Variants in PRDM5 observed in about 807,000 individuals in gnomAD.
PRDM5 encodes the protein PR domain zinc finger protein 5.
In PRDM5, 56 loss-of-function variants were observed where a neutral mutation model predicts 81.2. The observed-to-expected ratio is 0.69, with a 90% CI of 0.56 to 0.86. The LOEUF (loss-of-function observed/expected upper bound fraction) is 0.86. Among genes scored for constraint, PRDM5 ranks in the 40% least tolerant of loss-of-function variants. PRDM5 has a pLI of 0.00. For missense variants in PRDM5, 697 were observed against 770.1 expected, an observed-to-expected ratio of 0.91 and a Z score of 1.12; for synonymous variants, 267 against 256.4, an observed-to-expected ratio of 1.04 and a Z score of -0.39.
At chr4:120,799,837 C>T in intron 8 of PRDM5, 92 bp from the exon 9 acceptor site, 1 of 1,540,248 alleles carries the variant, frequency 6.5e-7, no homozygotes, top group Non-Finnish European at 8.8e-7. Flanking sequence ...TGAACAGCTG[C>T]CACTGCAATA....
At chr4:120,875,027 A>C (rs915720543) in intron 2 of PRDM5, among the ~76,000 whole-genome samples, 3 of 152,112 alleles carry the variant, frequency 2.0e-5, no homozygotes, top group African/African-American at 7.2e-5. Flanking sequence ...GCTGAGAACA[A>C]GCTCACTTTT....
rs532019885 is a variant in PRDM5 at position 120,749,863 on chromosome 4, G to T, written c.1623+4690C>A. ...TCCACAGGAGAGGTCTGCTGCTGCG[G>T]GAAGAGGGGCAGAAACCTCTTTCTC... On this transcript the variant is annotated intron_variant, in intron 14 of 15. Coordinates refer to ENST00000264808, the MANE Select transcript of PRDM5 (RefSeq NM_018699.4). Among the ~76,000 whole-genome samples, 11 of 152,262 alleles carry T rather than the reference G, an allele frequency of 7.2e-5. No homozygotes were observed. In the South Asian group the frequency reaches 2.1e-3, roughly 29 times the overall value.
intron 13 of PRDM5, among the ~76,000 whole-genome samples, chr4:120,767,394 A>G (rs1430732524): frequency 2.0e-5 from 3 of 152,162 alleles, no homozygotes; most frequent in African/African-American, 7.2e-5. Context: ...AAAACCATAA[A>G]CTGGAGTCTT....
At chr4:120,791,844 C>T (rs969880386) in intron 10 of PRDM5, among the ~76,000 whole-genome samples, 9 of 152,156 alleles carry the variant, frequency 5.9e-5, no homozygotes, top group African/African-American at 2.2e-4. Flanking sequence ...TGGATTAGTG[C>T]CGTTATCAAA....
At chr4:120,714,748 GT>G (rs1041283376) in intron 14 of PRDM5, among the ~76,000 whole-genome samples, 1 of 152,050 alleles carries the variant, frequency 6.6e-6, no homozygotes, top group Admixed American at 6.6e-5. Flanking sequence ...TTAAAATCCT[GT>G]GACCCCTAGG....
At chr4:120,777,422 A>G in intron 12 of PRDM5, 141 bp from the exon 13 acceptor site, 1 of 1,447,992 alleles carries the variant, frequency 6.9e-7, no homozygotes. Context: ...GAGATTTTAA[A>G]CAATTTATGA....
intron 8 of PRDM5, among the ~76,000 whole-genome samples, chr4:120,801,674 C>T (rs1752137185): frequency 6.6e-6 from 1 of 152,200 alleles, no homozygotes; most frequent in Non-Finnish European, 1.5e-5. Flanking sequence ...TGACTGCCTG[C>T]ACAAGTGTTT....
chr4:120,922,225 A>C (rs1725036120), intron 1 of PRDM5, among the ~76,000 whole-genome samples: 1 of 152,134 alleles, frequency 6.6e-6, no homozygotes, highest in South Asian at 2.1e-4. Context: ...GGAGAGAGGA[A>C]AGACATCTTG....
chr4:120,747,468 TAAA>T (rs1225449563), intron 14 of PRDM5, among the ~76,000 whole-genome samples: 22 of 151,784 alleles, frequency 1.4e-4, no homozygotes, highest in African/African-American at 5.1e-4. Context: ...AATAAATAAA[TAAA>T]TTTTTGGGGG....
chr4:120,868,178 T>A (rs1761402119), intron 2 of PRDM5, among the ~76,000 whole-genome samples: 1 of 152,196 alleles, frequency 6.6e-6, no homozygotes, highest in Non-Finnish European at 1.5e-5. Context: ...AAACAAGAAG[T>A]GGAAATGTTC....
intron 14 of PRDM5, among the ~76,000 whole-genome samples, chr4:120,745,991 A>C (rs1742936356): frequency 6.7e-6 from 1 of 150,050 alleles, no homozygotes; most frequent in Non-Finnish European, 1.5e-5. Context: ...CCTAAGCCAA[A>C]AGAACAAAGC....
At chr4:120,811,845 C>T (rs879626314) in intron 7 of PRDM5, among the ~76,000 whole-genome samples, 22 of 151,832 alleles carry the variant, frequency 1.4e-4, no homozygotes, top group Middle Eastern at 3.4e-3. Context: ...AATTGGGGTA[C>T]CTATCACCTC....
intron 14 of PRDM5, among the ~76,000 whole-genome samples, chr4:120,742,867 C>G (rs372389395): frequency 0.051 from 7,736 of 152,070 alleles, 350 homozygotes; most frequent in African/African-American, 0.12. Context: ...AGGATATTAT[C>G]CAGGAGAATT....
At chr4:120,729,276 A>G (rs1272054349) in intron 14 of PRDM5, among the ~76,000 whole-genome samples, 1 of 152,232 alleles carries the variant, frequency 6.6e-6, no homozygotes. Context: ...GAGCAAAAGG[A>G]AAGATCCATA....
intron 3 of PRDM5, chr4:120,838,808 T>C (rs12509870): frequency 0.22 from 37,331 of 169,366 alleles, 4,494 homozygotes; most frequent in Non-Finnish European, 0.28. Context: ...CTCATTCTGC[T>C]CACTCGACCT....
chr4:120,823,752 C>T (rs1371001913), intron 3 of PRDM5, among the ~76,000 whole-genome samples: 1 of 152,182 alleles, frequency 6.6e-6, no homozygotes, highest in East Asian at 1.9e-4. Context: ...ATCTCATGCC[C>T]TTTGGCAGGA....
chr4:120,847,439 G>A (rs1038536415), intron 3 of PRDM5, among the ~76,000 whole-genome samples: 1 of 152,048 alleles, frequency 6.6e-6, no homozygotes, highest in Non-Finnish European at 1.5e-5. Flanking sequence ...GTGAAGAACT[G>A]AAGCCTCCTG....
At chr4:120,840,334 G>T (rs1205398559) in intron 3 of PRDM5, among the ~76,000 whole-genome samples, 2 of 152,144 alleles carry the variant, frequency 1.3e-5, no homozygotes, top group African/African-American at 2.4e-5. Context: ...CTGGGGAGGG[G>T]CTCCTCTGGG....
intron 14 of PRDM5, among the ~76,000 whole-genome samples, chr4:120,740,706 C>T (rs547735457): frequency 6.6e-6 from 1 of 152,292 alleles, no homozygotes; most frequent in Non-Finnish European, 1.5e-5. Flanking sequence ...CTGGCTCCAT[C>T]GTGTCTCCTG....
Sources: allele counts gnomAD v4.1 joint callset (sites outside exome capture counted in the v4.1 genomes callset), GRCh38; gene constraint gnomAD v4.1.1; transcripts MANE v1.5; gene names NCBI Gene and HGNC (gene_info 2026-07-23, HGNC 2026-07-21).